SLC22A2: variants seen among roughly 807,000 people sequenced by gnomAD.
The protein encoded by SLC22A2 is organic cation transporter 2.
SLC22A2 carries 46 observed loss-of-function variants against 60.5 expected under a neutral mutation model. That is an observed-to-expected ratio of 0.76 (90% CI 0.60 to 0.97). The LOEUF is 0.97. Ranked by LOEUF, SLC22A2 falls within the 50% of genes least tolerant of loss-of-function variation. The pLI is 0.00. For missense variants in SLC22A2, 701 were observed against 706.6 expected (o/e 0.99, Z 0.09); for synonymous variants, 303 against 267.0 (o/e 1.13, Z -1.31).
At position 160,258,252 on chromosome 6, in the gene SLC22A2, G is replaced by A. The variant is rs554827407; in HGVS notation, c.414+92C>T. 2.6e-5 allele frequency: 36 copies of A among 1,392,490 alleles called. No individual in the cohort carries two copies. The African/African-American group carries it at 4.9e-4, about 19-fold the overall frequency. The allele number at this position is 1,392,490 out of a possible 1,614,324, so 86.3% of individuals were successfully genotyped here. ...TGCAGGCCAAAGAGATGTCCAGGCA[G>A]GGTTTATAAGAGCCGGGCCTTCCCT... On this transcript the variant is annotated intron_variant, in intron 1 of 10. Transcript: ENST00000366953.
intron 9 of SLC22A2, among the ~76,000 whole-genome samples, chr6:160,239,794 C>G (rs564134693): frequency 6.6e-6 from 1 of 152,332 alleles, no homozygotes; most frequent in South Asian, 2.1e-4. Context: ...AGCTTGTGCT[C>G]TGTCAACTTT....
At position 160,245,506 on chromosome 6, in the gene SLC22A2, G is replaced by C; in HGVS notation, c.997C>G (p.Pro333Ala). The C allele has an allele frequency of 3.1e-6, 5 of 1,610,392 alleles. No homozygotes were observed. Among genetic ancestry groups the C allele is most frequent in the Non-Finnish European group, 4.2e-6 (5 of 1,177,926 alleles). Residue 333 changes from proline (P) to alanine (A), a missense_variant, in exon 6 of 11, where the codon CCT becomes GCT. Coordinates refer to ENST00000366953, the MANE Select transcript of SLC22A2 (RefSeq NM_003058.4). ...GTTCTGACCAAGTCAAGAAATGAAGGGTTCAATTTCTTGCCAGTTTCCTCT... is the reference window on the plus strand; with the variant it reads ...GTTCTGACCAAGTCAAGAAATGAAGCGTTCAATTTCTTGCCAGTTTCCTCT... ...LEEETGKKLN[P>A]SFLDLVRTPQ...
chr6:160,221,955 C>T (rs1481533508), intron 10 of SLC22A2, among the ~76,000 whole-genome samples: 1 of 152,124 alleles, frequency 6.6e-6, no homozygotes, highest in East Asian at 1.9e-4. Flanking sequence ...AAAAATGCTG[C>T]AAATAAACTT....
chr6:160,256,317 G>A (rs913505718), intron 2 of SLC22A2, among the ~76,000 whole-genome samples: 2 of 152,270 alleles, frequency 1.3e-5, no homozygotes, highest in East Asian at 1.9e-4. Flanking sequence ...CAAAAGGGAT[G>A]AGATCATCTG....
At chr6:160,237,259 C>T (rs1782925103) in intron 9 of SLC22A2, among the ~76,000 whole-genome samples, 1 of 152,150 alleles carries the variant, frequency 6.6e-6, no homozygotes, top group Non-Finnish European at 1.5e-5. Context: ...GACCCCATAT[C>T]AGCATGGTTT....
Position 160,250,552 on chromosome 6 carries a change from G to A in SLC22A2, c.669C>T (p.Ile223=), listed in dbSNP as rs8177510. ...TGCAAGCACAAACATTCTTACTCAG[G>A]ATGTAGCCTATTAACCAGCCTGCTT... ...VSKAGWLIGY[I]LITEFVGRRY... is the part of the protein sequence containing the mutation. The change falls in exon 3 of 11, where the codon ATC becomes ATT. Residue 223 remains isoleucine, a synonymous_variant. Transcript: ENST00000366953. The A allele has an allele frequency of 5.6e-6, 9 of 1,613,808 alleles. No individual in the cohort carries two copies. The East Asian group carries it at 2.0e-4, about 36-fold the overall frequency.
At chr6:160,246,464 C>T (rs142711191) in intron 5 of SLC22A2, among the ~76,000 whole-genome samples, 85 of 152,210 alleles carry the variant, frequency 5.6e-4, no homozygotes, top group Middle Eastern at 3.4e-3. Flanking sequence ...AAAAGCTTTT[C>T]AGCCTGGTGC....
chr6:160,250,158 C>T (rs1386765559), intron 3 of SLC22A2, among the ~76,000 whole-genome samples: 1 of 152,122 alleles, frequency 6.6e-6, no homozygotes, highest in Non-Finnish European at 1.5e-5. Context: ...AATTGTAGTT[C>T]ACTAGAATAG....
chr6:160,255,249 G>C (rs995156467), intron 2 of SLC22A2, among the ~76,000 whole-genome samples: 2 of 151,732 alleles, frequency 1.3e-5, no homozygotes, highest in African/African-American at 4.8e-5. Flanking sequence ...CATGGGTGAT[G>C]GATGAGGTGC....
intron 10 of SLC22A2, among the ~76,000 whole-genome samples, chr6:160,218,456 G>A (rs117257215): frequency 0.012 from 504 of 41,172 alleles, 3 homozygotes; most frequent in Middle Eastern, 0.018. Context: ...AACAGTAGAA[G>A]CATCAGTGAC....
chr6:160,246,453 T>G (rs1001350641), intron 5 of SLC22A2, among the ~76,000 whole-genome samples: 2 of 152,018 alleles, frequency 1.3e-5, no homozygotes, highest in Non-Finnish European at 2.9e-5. Context: ...GGGGATTGCT[T>G]AAAAGCTTTT....
chr6:160,234,785 C>T lies in SLC22A2; in HGVS notation c.1501+6689G>A, dbSNP rs139968822. Among the ~76,000 whole-genome samples, 44 of 152,340 alleles carry T rather than the reference C, an allele frequency of 2.9e-4. No homozygotes were observed. In the East Asian group the frequency reaches 6.4e-3, roughly 22 times the overall value. On this transcript the variant is annotated intron_variant, in intron 9 of 10. Transcript: ENST00000366953. ...TCTAAAATCCTTCTGGGAAGAACAA[C>T]GGAAACCAGCCAATGCTGTAGCTCA...
In SLC22A2 at chr6:160,226,017, A is replaced by G. The variant is rs568563175; in HGVS notation, c.1502-1213T>C. ...TTGTAGGACTAACATTAGCCACAAC[A>G]TAAGAAATTATGGTTTAGGAGTCAT... On this transcript the variant is annotated intron_variant, in intron 9 of 10. Transcript: ENST00000366953. Among the ~76,000 whole-genome samples, 6 of 152,332 alleles carry G rather than the reference A, an allele frequency of 3.9e-5. No homozygotes were observed. In the East Asian group the frequency reaches 9.7e-4, roughly 25 times the overall value.
At position 160,245,459 on chromosome 6, in the gene SLC22A2, A is replaced by G; in HGVS notation, c.1044T>C (p.Thr348=). Residue 348 remains threonine, a synonymous_variant, in exon 6 of 11, where the codon ACT becomes ACC. Coordinates refer to ENST00000366953, the MANE Select transcript of SLC22A2 (RefSeq NM_003058.4). ...LVRTPQIRKH[T]MILMYNWFTS... is the part of the protein sequence containing the mutation. The stretch of plus-strand genomic sequence containing the variant: ...CTTACCAGTTGTACATCAATATCAT[A>G]GTATGTTTCCTTATCTGAGGAGTTC... 1 of 1,589,744 alleles carries G rather than the reference A, an allele frequency of 6.3e-7. No homozygotes were observed. The highest frequency in any genetic ancestry group is 1.1e-5 in the South Asian group (1 of 88,680).
At chr6:160,241,361 A>G (rs1782997386) in intron 9 of SLC22A2, 113 bp downstream of exon 9, 2 of 658,714 alleles carry the variant, frequency 3.0e-6, no homozygotes, top group African/African-American at 3.6e-5. Flanking sequence ...TACTATGAGT[A>G]GTAATTAGTA....
chr6:160,241,402 T>G, intron 9 of SLC22A2, 72 bp downstream of exon 9: 2 of 920,108 alleles, frequency 2.2e-6, no homozygotes, highest in African/African-American at 1.6e-5. Context: ...CTGTTTTGAA[T>G]GAAGTAGAAG....
intron 10 of SLC22A2, among the ~76,000 whole-genome samples, chr6:160,221,069 T>C (rs1782637010): frequency 1.3e-5 from 2 of 152,184 alleles, no homozygotes; most frequent in South Asian, 4.1e-4. Flanking sequence ...TTCATGAAAG[T>C]CCTAAATGGC....
At chr6:160,252,853 G>A (rs772905086) in intron 2 of SLC22A2, among the ~76,000 whole-genome samples, 2 of 152,162 alleles carry the variant, frequency 1.3e-5, no homozygotes, top group Non-Finnish European at 1.5e-5. Flanking sequence ...TGTAAATTAT[G>A]GATAATGAAA....
chr6:160,245,861 CTT>C (rs531474202), intron 5 of SLC22A2, among the ~76,000 whole-genome samples: 1,633 of 122,196 alleles, frequency 0.013, 55 homozygotes, highest in African/African-American at 0.05. Context: ...CAATGCCCAG[CTT>C]TTTTTTTTTT....
Sources: gnomAD v4.1 joint callset for allele counts (sites outside exome capture counted in the v4.1 genomes callset) on GRCh38, gnomAD v4.1.1 for gene constraint, MANE v1.5 for transcripts, NCBI Gene and HGNC (gene_info 2026-07-23, HGNC 2026-07-21) for gene names.